The following GPHN variants were observed in gnomAD, a reference collection of about 807,000 sequenced individuals.
The protein encoded by GPHN is gephyrin.
A neutral mutation model predicts 95.5 loss-of-function variants in GPHN; 17 were observed. That is an observed-to-expected ratio of 0.18 (90% confidence interval 0.12 to 0.27). GPHN has a LOEUF of 0.27. GPHN is among the 10% of genes least tolerant of loss of function. The pLI is 1.00. For missense variants in GPHN, 660 were observed against 978.1 expected, an observed-to-expected ratio of 0.67 and a Z score of 4.34; for synonymous variants, 320 against 322.5, an observed-to-expected ratio of 0.99 and a Z score of 0.08.
chr14:66,632,317 T>C (rs1270405105), intron 1 of GPHN, among the ~76,000 whole-genome samples: 3 of 152,124 alleles, frequency 2.0e-5, no homozygotes, highest in Admixed American at 1.3e-4. Flanking sequence ...CCCTCTGTAT[T>C]GCATTTTCCA....
the GPHN span, chr14:67,562,051 T>C: frequency 1.2e-6 from 2 of 1,611,350 alleles, no homozygotes. Context: ...CAGGCCAGGG[T>C]GTGCAGGTGT....
intron 3 of GPHN, among the ~76,000 whole-genome samples, chr14:66,783,521 A>G (rs1221119807): frequency 6.6e-6 from 1 of 152,206 alleles, no homozygotes; most frequent in African/African-American, 2.4e-5. Flanking sequence ...AGCACAAAGT[A>G]GAGCTAGTTA....
the GPHN span, chr14:67,659,971 C>T: frequency 1.9e-6 from 3 of 1,563,410 alleles, no homozygotes; most frequent in Non-Finnish European, 2.6e-6. Flanking sequence ...TTCCCTCACT[C>T]ATTTGGAAAT....
the GPHN span, among the ~76,000 whole-genome samples, chr14:67,497,845 A>C: frequency 4.0e-5 from 6 of 151,776 alleles, no homozygotes; most frequent in Non-Finnish European, 8.8e-5. Flanking sequence ...TGTGTATGTT[A>C]CATTCTCGGT....
intron 10 of GPHN, among the ~76,000 whole-genome samples, chr14:67,051,892 T>G (rs1317805543): frequency 6.6e-6 from 1 of 152,150 alleles, no homozygotes; most frequent in African/African-American, 2.4e-5. Flanking sequence ...AATAAAATCC[T>G]TTTCAGAAAA....
chr14:66,848,479 A>G lies in GPHN; in HGVS notation c.294+23913A>G, dbSNP rs906301511. Among the ~76,000 whole-genome samples the G allele has an allele frequency of 5.3e-5, 8 of 152,134 alleles. No homozygotes were observed. In the East Asian group the frequency reaches 1.5e-3, roughly 29 times the overall value. On this transcript the variant is annotated intron_variant, in intron 4 of 22. Coordinates refer to ENST00000478722, the MANE Select transcript of GPHN (RefSeq NM_020806.5). The stretch of plus-strand genomic sequence containing the variant: ...TCATGAAGGTTAGTAACTACATGGT[A>G]AGGCTAAAGGCCATCTGTAGAAAGC...
At chr14:66,973,880 T>C (rs1275418626) in intron 9 of GPHN, among the ~76,000 whole-genome samples, 1 of 152,162 alleles carries the variant, frequency 6.6e-6, no homozygotes, top group Non-Finnish European at 1.5e-5. Flanking sequence ...ATGTGGGAAA[T>C]TCAAATAAAA....
chr14:67,407,257 G>A, the GPHN span, among the ~76,000 whole-genome samples: 3 of 152,030 alleles, frequency 2.0e-5, no homozygotes, highest in African/African-American at 7.2e-5. Flanking sequence ...GAGTAGCTGG[G>A]ATTAGAGGCA....
At chr14:66,976,013 A>T (rs2070193550) in intron 9 of GPHN, among the ~76,000 whole-genome samples, 1 of 152,198 alleles carries the variant, frequency 6.6e-6, no homozygotes, top group Non-Finnish European at 1.5e-5. Context: ...GTATCAACTA[A>T]AAAATATTTT....
chr14:66,625,169 C>G (rs1233224464), intron 1 of GPHN, among the ~76,000 whole-genome samples: 1 of 152,094 alleles, frequency 6.6e-6, no homozygotes, highest in Non-Finnish European at 1.5e-5. Flanking sequence ...GCCTTGACCT[C>G]CCAGTCTCAA....
intron 1 of GPHN, among the ~76,000 whole-genome samples, chr14:66,520,701 C>CT (rs11384746): frequency 0.34 from 49,291 of 146,828 alleles, 11,861 homozygotes; most frequent in African/African-American, 0.66. Flanking sequence ...GAAATATTTT[C>CT]TTTTTTTTTT....
chr14:67,479,046 A>G, the GPHN span, among the ~76,000 whole-genome samples: 8 of 152,134 alleles, frequency 5.3e-5, no homozygotes, highest in Admixed American at 4.6e-4. Flanking sequence ...TTTTCTTTAT[A>G]TTTTTCTGCA....
chr14:66,995,098 A>G (rs1208754592), intron 9 of GPHN, among the ~76,000 whole-genome samples: 2 of 152,116 alleles, frequency 1.3e-5, no homozygotes, highest in African/African-American at 4.8e-5. Flanking sequence ...TTGTGTTTTG[A>G]TACTTCCTGC....
the GPHN span, chr14:67,686,242 A>T: frequency 6.6e-6 from 1 of 152,068 alleles, no homozygotes; most frequent in East Asian, 1.9e-4. Flanking sequence ...CCCTTTTGTG[A>T]CTCATTTCTT....
chr14:66,873,141 G>A (rs568219665), intron 4 of GPHN, among the ~76,000 whole-genome samples: 1 of 152,218 alleles, frequency 6.6e-6, no homozygotes, highest in South Asian at 2.1e-4. Flanking sequence ...GCTGAAGCAG[G>A]GTGAGGCATT....
intron 1 of GPHN, among the ~76,000 whole-genome samples, chr14:66,582,687 A>G (rs1460365661): frequency 6.6e-6 from 1 of 152,068 alleles, no homozygotes; most frequent in Non-Finnish European, 1.5e-5. Context: ...TTCCAGCTTC[A>G]TCCATGTCCC....
intron 1 of GPHN, among the ~76,000 whole-genome samples, chr14:66,580,601 C>T (rs928060707): frequency 1.3e-5 from 2 of 151,692 alleles, no homozygotes; most frequent in Admixed American, 6.6e-5. Flanking sequence ...TTCCTGGAAA[C>T]ATACATCTTA....
At chr14:67,382,076 G>A in the GPHN span, among the ~76,000 whole-genome samples, 1 of 151,986 alleles carries the variant, frequency 6.6e-6, no homozygotes, top group Non-Finnish European at 1.5e-5. Flanking sequence ...AAATTAACTG[G>A]ATGGCTGTAA....
intron 5 of GPHN, among the ~76,000 whole-genome samples, chr14:66,895,007 G>C (rs2064755299): frequency 6.6e-6 from 1 of 152,048 alleles, no homozygotes; most frequent in Admixed American, 6.6e-5. Flanking sequence ...CCCATTACTG[G>C]GTATATACCC....
Sources: gnomAD v4.1 joint callset for allele counts (sites outside exome capture counted in the v4.1 genomes callset) on GRCh38, gnomAD v4.1.1 for gene constraint, MANE v1.5 for transcripts, NCBI Gene and HGNC (gene_info 2026-07-23, HGNC 2026-07-21) for gene names.